Variants in DOCK4 observed in about 807,000 individuals in gnomAD.
DOCK4 encodes the protein dedicator of cytokinesis 4, also known as dedicator of cytokinesis protein 4.
A neutral mutation model predicts 268.1 loss-of-function variants in DOCK4; 97 were observed. The ratio of observed to expected loss-of-function variants is 0.36; its 90% CI spans 0.31 to 0.43. The LOEUF (loss-of-function observed/expected upper bound fraction) is 0.43, where lower values mean the gene tolerates loss of function less well. Ranked by LOEUF, DOCK4 falls within the 20% of genes least tolerant of loss-of-function variation. The pLI is 1.00. For missense variants in DOCK4, 2,145 were observed against 2,455.7 expected (o/e 0.87, Z 2.67); for synonymous variants, 954 against 887.2 (o/e 1.08, Z -1.34).
At chr7:112,089,452 C>T (rs914562203) in intron 1 of DOCK4, among the ~76,000 whole-genome samples, 1 of 152,124 alleles carries the variant, frequency 6.6e-6, no homozygotes, top group African/African-American at 2.4e-5. Flanking sequence ...ATCTTAGTTA[C>T]AGTTTTTCAC....
In DOCK4 at chr7:111,844,730, C is replaced by G. The variant is rs1803956342; in HGVS notation, c.2736+33G>C. On this transcript the variant is annotated intron_variant, in intron 25 of 52. Coordinates refer to ENST00000428084, the MANE Select transcript of DOCK4 (RefSeq NM_001363540.2). ...AACGTGACTGAAGCATAACCAGGCC[C>G]TGTTCCACGTGCCATCTGCTCTATG... The G allele has an allele frequency of 1.4e-5, 22 of 1,596,528 alleles. No individual in the cohort carries two copies. In the East Asian group the frequency reaches 5.0e-4, roughly 36 times the overall value.
intron 32 of DOCK4, among the ~76,000 whole-genome samples, chr7:111,786,783 T>C (rs1382664774): frequency 6.6e-6 from 1 of 152,242 alleles, no homozygotes; most frequent in Non-Finnish European, 1.5e-5. Flanking sequence ...ACTAATTCAT[T>C]GTGATTTCTG....
intron 12 of DOCK4, among the ~76,000 whole-genome samples, chr7:111,925,641 C>T (rs941972926): frequency 6.6e-6 from 1 of 152,138 alleles, no homozygotes; most frequent in Non-Finnish European, 1.5e-5. Flanking sequence ...AAAGCCTCTA[C>T]CCAGTAGGAC....
rs73715410 is a variant in DOCK4, at chr7:112,076,866, C to G, written c.38-72735G>C. ...GGAAAGAATACTACATTTAATGAAG[C>G]GTTGACTGAATATACTATTTCTTAA... On this transcript the variant is annotated intron_variant, in intron 1 of 52. Transcript: ENST00000428084. Among the ~76,000 whole-genome samples the G allele has an allele frequency of 3.6e-3, 555 of 152,190 alleles. 2 individuals carry two copies. Among genetic ancestry groups the G allele is most frequent in the African/African-American group, 0.013 (521 of 41,546 alleles).
rs563324079 is a variant in DOCK4, at chr7:111,824,736, T to C, written c.2836-2280A>G. ...GGGACAAAGGAAACAGTATTGCAGG[T>C]GAAGGAGTTGGGGATAGATGACCTG... On this transcript the variant is annotated intron_variant, in intron 26 of 52. Coordinates refer to ENST00000428084, the MANE Select transcript of DOCK4 (RefSeq NM_001363540.2). 4.7e-4 allele frequency among the ~76,000 whole-genome samples: 71 copies of C among 152,290 alleles called. 1 individual carries two copies. Among genetic ancestry groups the C allele is most frequent in the African/African-American group, 1.5e-3 (63 of 41,554 alleles).
At chr7:111,897,685 G>A (rs1808875029) in intron 15 of DOCK4, among the ~76,000 whole-genome samples, 1 of 152,122 alleles carries the variant, frequency 6.6e-6, no homozygotes. Flanking sequence ...CCACCCCCCA[G>A]TGCTGGCTCA....
At chr7:111,983,615 A>C (rs917617515) in intron 7 of DOCK4, among the ~76,000 whole-genome samples, 3 of 152,158 alleles carry the variant, frequency 2.0e-5, no homozygotes, top group African/African-American at 7.2e-5. Flanking sequence ...CTGGATGCCA[A>C]GCAAAAAAAC....
chr7:111,973,671 A>T (rs1190862476), intron 8 of DOCK4, among the ~76,000 whole-genome samples: 1 of 134,570 alleles, frequency 7.4e-6, no homozygotes, highest in Non-Finnish European at 1.5e-5. Flanking sequence ...ATTCCTTTAG[A>T]GTTCCTTTTT....
chr7:112,132,447 A>G (rs370707336), intron 1 of DOCK4, among the ~76,000 whole-genome samples: 4 of 152,338 alleles, frequency 2.6e-5, no homozygotes, highest in South Asian at 2.1e-4. Context: ...GGCAGCTCAC[A>G]CAAAGGATGC....
rs528427343 is a variant in DOCK4 at position 111,961,446 on chromosome 7, C to A, written c.702-15648G>T. On this transcript the variant is annotated intron_variant, in intron 8 of 52. Transcript: ENST00000428084. ...CATGCTTTCATAGTGAGTGAATGAA[C>A]TAGTGAATGGGTAGAGGTGATGTGC... Among the ~76,000 whole-genome samples, 10 of 152,302 alleles carry A rather than the reference C, an allele frequency of 6.6e-5. No homozygotes were observed. The East Asian group carries it at 1.9e-3, about 29-fold the overall frequency.
At chr7:111,766,525 G>C (rs1290791228) in intron 38 of DOCK4, among the ~76,000 whole-genome samples, 1 of 152,178 alleles carries the variant, frequency 6.6e-6, no homozygotes, top group African/African-American at 2.4e-5. Flanking sequence ...ATTTGGTTCA[G>C]AGAAACAGAA....
intron 4 of DOCK4, among the ~76,000 whole-genome samples, chr7:111,996,851 C>T (rs1301021215): frequency 6.6e-6 from 1 of 152,192 alleles, no homozygotes; most frequent in African/African-American, 2.4e-5. Context: ...CCCCAACTCA[C>T]TTTGAGGGAT....
At chr7:112,168,609 G>A (rs1817810352) in intron 1 of DOCK4, among the ~76,000 whole-genome samples, 1 of 152,148 alleles carries the variant, frequency 6.6e-6, no homozygotes, top group Non-Finnish European at 1.5e-5. Flanking sequence ...GGAACCTGAG[G>A]TAAGAAGATC....
chr7:112,094,276 T>A (rs1809902345), intron 1 of DOCK4, among the ~76,000 whole-genome samples: 1 of 151,950 alleles, frequency 6.6e-6, no homozygotes, highest in South Asian at 2.1e-4. Flanking sequence ...AACAGTGAAT[T>A]TTCTTTTGTG....
At chr7:112,075,050 T>C (rs986896546) in intron 1 of DOCK4, among the ~76,000 whole-genome samples, 2 of 152,194 alleles carry the variant, frequency 1.3e-5, no homozygotes, top group Non-Finnish European at 2.9e-5. Flanking sequence ...TGTATCTCTG[T>C]TCAAGTAACT....
At chr7:111,906,772 C>T (rs1018899) in intron 13 of DOCK4, among the ~76,000 whole-genome samples, 32,748 of 151,958 alleles carry the variant, frequency 0.22, 4,176 homozygotes, top group African/African-American at 0.35. Context: ...ACACAGAGGC[C>T]GGAATGACTT....
intron 8 of DOCK4, among the ~76,000 whole-genome samples, chr7:111,951,652 A>T (rs1796058959): frequency 6.6e-6 from 1 of 151,306 alleles, no homozygotes; most frequent in South Asian, 2.1e-4. Flanking sequence ...GCTACCAAAA[A>T]AAAAAAAAAA....
chr7:112,119,215 G>A (rs1812469698), intron 1 of DOCK4, among the ~76,000 whole-genome samples: 1 of 152,176 alleles, frequency 6.6e-6, no homozygotes, highest in South Asian at 2.1e-4. Context: ...GGAAGACAGA[G>A]AACTGAATAA....
chr7:111,934,331 C>G (rs908649795), intron 12 of DOCK4, among the ~76,000 whole-genome samples: 5 of 152,002 alleles, frequency 3.3e-5, no homozygotes, highest in African/African-American at 1.2e-4. Flanking sequence ...TACTATGTAC[C>G]TCATACGACT....
Sources: gnomAD v4.1 joint callset for allele counts (sites outside exome capture counted in the v4.1 genomes callset) on GRCh38, gnomAD v4.1.1 for gene constraint, MANE v1.5 for transcripts, NCBI Gene and HGNC (gene_info 2026-07-23, HGNC 2026-07-21) for gene names.